The following PRKCH variants were observed in gnomAD, a reference collection of about 807,000 sequenced individuals.
The protein encoded by PRKCH is protein kinase C eta type.
PRKCH carries 28 observed loss-of-function variants against 82.5 expected under a neutral mutation model. That is an observed-to-expected ratio of 0.34 (90% CI 0.25 to 0.47). The LOEUF is 0.47. Among genes scored for constraint, PRKCH ranks in the 20% least tolerant of loss-of-function variants. The pLI is 1.00. For missense variants in PRKCH, 705 were observed against 881.8 expected (o/e 0.80, Z 2.54); for synonymous variants, 322 against 327.4 (o/e 0.98, Z 0.18).
At chr14:61,423,026 A>G (rs1882937130) in intron 2 of PRKCH, among the ~76,000 whole-genome samples, 1 of 152,210 alleles carries the variant, frequency 6.6e-6, no homozygotes, top group African/African-American at 2.4e-5. Flanking sequence ...GATTGAATGA[A>G]TGAATGAAGT....
chr14:61,202,382 C>T (rs543613735), intron 1 of PRKCH, among the ~76,000 whole-genome samples: 2 of 152,310 alleles, frequency 1.3e-5, no homozygotes, highest in East Asian at 1.9e-4. Flanking sequence ...CTCAAGGTTT[C>T]GCCTTAAGGG....
intron 1 of PRKCH, among the ~76,000 whole-genome samples, chr14:61,309,780 A>G (rs1394052540): frequency 6.6e-6 from 1 of 152,148 alleles, no homozygotes; most frequent in Non-Finnish European, 1.5e-5. Flanking sequence ...TATGTTGACT[A>G]CTTTATTAGT....
At chr14:61,423,201 G>C (rs537250087) in intron 2 of PRKCH, among the ~76,000 whole-genome samples, 1 of 152,200 alleles carries the variant, frequency 6.6e-6, no homozygotes. Flanking sequence ...TAGAGACTAA[G>C]AAACGGGGAC....
chr14:61,511,928 A>C (rs927928743), intron 10 of PRKCH, among the ~76,000 whole-genome samples: 2 of 152,192 alleles, frequency 1.3e-5, no homozygotes, highest in African/African-American at 4.8e-5. Flanking sequence ...TGCAGTTTTT[A>C]TCTGAGTGGC....
At chr14:61,248,366 A>G (rs1402263461) in intron 1 of PRKCH, among the ~76,000 whole-genome samples, 1 of 152,244 alleles carries the variant, frequency 6.6e-6, no homozygotes, top group Non-Finnish European at 1.5e-5. Flanking sequence ...CTGCAAGTCA[A>G]AAAATCATTA....
intron 1 of PRKCH, among the ~76,000 whole-genome samples, chr14:61,276,213 A>T (rs74867881): frequency 0.051 from 7,690 of 152,108 alleles, 316 homozygotes; most frequent in African/African-American, 0.11. Flanking sequence ...CTTAAGAGAC[A>T]TTTTCCTGGG....
At chr14:61,526,911 G>T (rs2042972631) in intron 10 of PRKCH, among the ~76,000 whole-genome samples, 1 of 152,218 alleles carries the variant, frequency 6.6e-6, no homozygotes, top group Non-Finnish European at 1.5e-5. Context: ...AGCCTATGTG[G>T]GTTGCCTCTG....
intron 1 of PRKCH, among the ~76,000 whole-genome samples, chr14:61,233,326 G>GGCT (rs905214456): frequency 1.2e-4 from 18 of 152,012 alleles, no homozygotes; most frequent in African/African-American, 4.3e-4. Flanking sequence ...AAGAGATTGA[G>GGCT]GCTGCAGTGA....
intron 5 of PRKCH, 23 bp downstream of exon 5, chr14:61,449,275 A>G (rs1340555935): frequency 1.9e-6 from 3 of 1,581,866 alleles, no homozygotes; most frequent in South Asian, 2.2e-5. Context: ...CAGTTTGCTG[A>G]TTAAATGTGC....
chr14:61,310,135 C>A (rs953400642), intron 1 of PRKCH, among the ~76,000 whole-genome samples: 3 of 152,246 alleles, frequency 2.0e-5, no homozygotes, highest in Middle Eastern at 6.8e-3. Context: ...CCATATCATT[C>A]CATCCCTGGC....
chr14:61,287,601 T>C (rs2045326555), intron 1 of PRKCH, among the ~76,000 whole-genome samples: 2 of 152,054 alleles, frequency 1.3e-5, no homozygotes, highest in South Asian at 4.1e-4. Context: ...TCTCAGCCTC[T>C]TGGGAAGCCG....
chr14:61,499,647 A>ATCTCAAAGCTGGAATGGAGTTCAAAGT (rs1886812481), intron 10 of PRKCH, among the ~76,000 whole-genome samples: 2 of 152,106 alleles, frequency 1.3e-5, no homozygotes, highest in African/African-American at 4.8e-5. Flanking sequence ...AAATTCTAGA[A>ATCTCAAAGCTGGAATGGAGTTCAAAGT]TCTCAAAGCT....
At chr14:61,438,522 A>G (rs192011606) in intron 2 of PRKCH, among the ~76,000 whole-genome samples, 4 of 152,350 alleles carry the variant, frequency 2.6e-5, no homozygotes, top group African/African-American at 7.2e-5. Context: ...TCAAATATAT[A>G]TTTCTGCTGC....
chr14:61,517,225 A>T (rs3751289), intron 10 of PRKCH, among the ~76,000 whole-genome samples: 1 of 151,900 alleles, frequency 6.6e-6, no homozygotes, highest in South Asian at 2.1e-4. Context: ...GTCGTAAAGC[A>T]TTCCTCATCA....
intron 1 of PRKCH, among the ~76,000 whole-genome samples, chr14:61,225,218 C>A (rs552500373): frequency 6.6e-6 from 1 of 152,192 alleles, no homozygotes; most frequent in Non-Finnish European, 1.5e-5. Context: ...TACATGCACA[C>A]AGGCTTAAAA....
intron 2 of PRKCH, among the ~76,000 whole-genome samples, chr14:61,406,861 A>G (rs1315842986): frequency 1.3e-5 from 2 of 152,248 alleles, no homozygotes; most frequent in East Asian, 3.9e-4. Flanking sequence ...GTAGACAGGC[A>G]TGGCTCCACC....
At chr14:61,502,993 G>A (rs1886985368) in intron 10 of PRKCH, among the ~76,000 whole-genome samples, 1 of 140,714 alleles carries the variant, frequency 7.1e-6, no homozygotes, top group South Asian at 2.3e-4. Flanking sequence ...GAGAGGAAGG[G>A]AAGCAGGCTT....
At chr14:61,212,545 C>T (rs1446775096) in intron 1 of PRKCH, among the ~76,000 whole-genome samples, 1 of 152,218 alleles carries the variant, frequency 6.6e-6, no homozygotes, top group East Asian at 1.9e-4. Context: ...TATGTTTCTT[C>T]TTCATTCTGT....
intron 1 of PRKCH, among the ~76,000 whole-genome samples, chr14:61,310,924 G>A (rs1332228016): frequency 6.6e-6 from 1 of 152,242 alleles, no homozygotes; most frequent in Non-Finnish European, 1.5e-5. Context: ...CCAAGGCTTG[G>A]GGCTTGCACC....
Sources: gnomAD v4.1 joint callset for allele counts (sites outside exome capture counted in the v4.1 genomes callset) on GRCh38, gnomAD v4.1.1 for gene constraint, MANE v1.5 for transcripts, NCBI Gene and HGNC (gene_info 2026-07-23, HGNC 2026-07-21) for gene names.